DPP6: variants seen among roughly 807,000 people sequenced by gnomAD.
The protein encoded by DPP6 is dipeptidyl peptidase like 6, also known as A-type potassium channel modulatory protein DPP6.
In DPP6, 69 loss-of-function variants were observed where a neutral mutation model predicts 122.6. The ratio of observed to expected loss-of-function variants is 0.56; its 90% CI spans 0.46 to 0.69. The LOEUF is 0.69. DPP6 is among the 30% of genes least tolerant of loss of function. DPP6 has a pLI of 0.00. For synonymous variants in DPP6, 418 were observed against 433.1 expected (o/e 0.97, Z 0.43); for missense variants, 928 against 1,116.9 (o/e 0.83, Z 2.41).
At chr7:153,976,904 A>T (rs558200313) in intron 1 of DPP6, among the ~76,000 whole-genome samples, 37 of 152,200 alleles carry the variant, frequency 2.4e-4, no homozygotes, top group African/African-American at 8.2e-4. Context: ...CCACCAGGAG[A>T]GCTCAGCCTT....
At chr7:154,688,301 C>T (rs58909739) in intron 7 of DPP6, among the ~76,000 whole-genome samples, 7,640 of 152,192 alleles carry the variant, frequency 0.05, 279 homozygotes, top group African/African-American at 0.1. Flanking sequence ...GCTGTTGAAA[C>T]TTTCAATATG....
At chr7:154,879,237 G>C (rs985177572) in intron 20 of DPP6, among the ~76,000 whole-genome samples, 1 of 151,690 alleles carries the variant, frequency 6.6e-6, no homozygotes, top group African/African-American at 2.4e-5. Context: ...GAGTCCAGGA[G>C]TTCAATCAAG....
rs563828917 is a variant in DPP6 at position 154,052,770 on chromosome 7, A to G, written c.-51A>G. 381 of 1,421,722 alleles carry G rather than the reference A, an allele frequency of 2.7e-4. 1 individual carries two copies. The African/African-American group carries it at 4.0e-3, about 15-fold the overall frequency. 88.1% of individuals were successfully genotyped at this position (1,421,722 alleles called of 1,614,324 possible). On this transcript the variant is annotated 5_prime_UTR_variant, in exon 1 of 26. Transcript: ENST00000377770. The surrounding 1 kb of genome is among the most constrained non-coding windows in gnomAD (Gnocchi z 4.8). Reference sequence around the variant, plus strand: ...GGGTGGGGAGTGGGAACCGGAGAGAAAGCAAAATATTAAAAAGCCCCAAAG... The same window carrying G: ...GGGTGGGGAGTGGGAACCGGAGAGAGAGCAAAATATTAAAAAGCCCCAAAG...
At chr7:154,275,032 C>T (rs1413515281) in intron 1 of DPP6, among the ~76,000 whole-genome samples, 4 of 152,256 alleles carry the variant, frequency 2.6e-5, no homozygotes, top group African/African-American at 9.6e-5. Flanking sequence ...TGCACACCTG[C>T]TGCAGGTGCA....
chr7:153,763,546 A>G, the DPP6 span, among the ~76,000 whole-genome samples: 1 of 152,178 alleles, frequency 6.6e-6, no homozygotes, highest in Non-Finnish European at 1.5e-5. Flanking sequence ...AAAAGGGAAC[A>G]AGGAAAAAAA....
chr7:154,878,768 C>G (rs1419562781), intron 20 of DPP6, among the ~76,000 whole-genome samples: 1 of 152,166 alleles, frequency 6.6e-6, no homozygotes, highest in Non-Finnish European at 1.5e-5. Context: ...CTCCTGTCTC[C>G]TAGAGACAGG....
intron 3 of DPP6, among the ~76,000 whole-genome samples, chr7:154,524,840 T>C (rs1474106482): frequency 6.6e-6 from 1 of 152,172 alleles, no homozygotes; most frequent in Non-Finnish European, 1.5e-5. Flanking sequence ...CTTATTGATG[T>C]GTCCTTATCA....
chr7:154,010,454 GA>G (rs1798108676), intron 1 of DPP6, among the ~76,000 whole-genome samples: 2 of 152,148 alleles, frequency 1.3e-5, no homozygotes, highest in South Asian at 4.1e-4. Context: ...AATTAAACGA[GA>G]ATTATTTATT....
intron 1 of DPP6, among the ~76,000 whole-genome samples, chr7:154,422,883 CAATA>C (rs1392667560): frequency 1.3e-5 from 2 of 152,132 alleles, no homozygotes; most frequent in African/African-American, 4.8e-5. Context: ...AGCTGGCTTG[CAATA>C]AATAAATTAC....
In DPP6 at chr7:154,241,194, T is replaced by C. The variant is rs918507285; in HGVS notation, c.243+188131T>C. Among the ~76,000 whole-genome samples, 22 of 148,270 alleles carry C rather than the reference T, an allele frequency of 1.5e-4. No homozygotes were observed. In the South Asian group the frequency reaches 4.4e-3, roughly 30 times the overall value. ...GTAATTCAATATCAATATGTGTGTG[T>C]GTGTGTGTGTGTGTGTGTGTGTGTG... On this transcript the variant is annotated intron_variant, in intron 1 of 25. Transcript: ENST00000377770. The surrounding 1 kb of genome is among the most constrained non-coding windows in gnomAD (Gnocchi z 9.0).
chr7:153,813,383 C>T, the DPP6 span, among the ~76,000 whole-genome samples: 1 of 152,110 alleles, frequency 6.6e-6, no homozygotes, highest in South Asian at 2.1e-4. Flanking sequence ...GCATAGTATT[C>T]CATGGTATAT....
At chr7:154,337,553 C>T (rs1809536819) in intron 1 of DPP6, among the ~76,000 whole-genome samples, 1 of 152,200 alleles carries the variant, frequency 6.6e-6, no homozygotes, top group African/African-American at 2.4e-5. Flanking sequence ...AGGCCAAGGT[C>T]TATCCTTGCA....
intron 1 of DPP6, among the ~76,000 whole-genome samples, chr7:153,979,403 T>C (rs1485653967): frequency 1.3e-5 from 2 of 152,282 alleles, no homozygotes; most frequent in Admixed American, 1.3e-4. Flanking sequence ...TTTTGTATCC[T>C]GAGACTTTGC....
intron 1 of DPP6, among the ~76,000 whole-genome samples, chr7:154,230,819 C>G (rs1800877714): frequency 6.6e-6 from 1 of 152,228 alleles, no homozygotes; most frequent in Non-Finnish European, 1.5e-5. Context: ...GGATACTGTT[C>G]TAACCTATAG....
intron 1 of DPP6, among the ~76,000 whole-genome samples, chr7:154,360,833 G>T (rs9918596): frequency 0.062 from 9,470 of 152,276 alleles, 335 homozygotes; most frequent in South Asian, 0.099. Flanking sequence ...ATCACTGATG[G>T]CCTGCTCTGG....
chr7:154,623,328 T>G (rs1834817073), intron 5 of DPP6, among the ~76,000 whole-genome samples: 1 of 152,214 alleles, frequency 6.6e-6, no homozygotes, highest in Non-Finnish European at 1.5e-5. Context: ...TCCATCGCTG[T>G]GCTGGAAACA....
the DPP6 span, among the ~76,000 whole-genome samples, chr7:153,816,063 TTG>T: frequency 1.3e-5 from 2 of 151,822 alleles, no homozygotes; most frequent in Non-Finnish European, 2.9e-5. Flanking sequence ...AAAGAAAATA[TTG>T]TGTGTTATAG....
intron 5 of DPP6, among the ~76,000 whole-genome samples, chr7:154,614,424 G>C (rs987297942): frequency 4.8e-5 from 6 of 124,024 alleles, no homozygotes; most frequent in African/African-American, 1.5e-4. Context: ...CTTTGATGTA[G>C]CTTTTTTTCC....
intron 8 of DPP6, among the ~76,000 whole-genome samples, chr7:154,763,442 G>T (rs549670417): frequency 3.9e-5 from 6 of 152,150 alleles, no homozygotes; most frequent in East Asian, 1.9e-4. Context: ...TGCTGCCGAG[G>T]GAAGAGAGAG....
Sources: gnomAD v4.1 joint callset for allele counts (sites outside exome capture counted in the v4.1 genomes callset) on GRCh38, gnomAD v4.1.1 for gene constraint, Gnocchi (gnomAD v3.1) non-coding constraint, MANE v1.5 for transcripts, NCBI Gene and HGNC (gene_info 2026-07-23, HGNC 2026-07-21) for gene names.